Variants in GALNT10 observed in about 807,000 individuals in gnomAD.
GALNT10 encodes GalNAc transferase 10.
In GALNT10, 41 loss-of-function variants were observed where a neutral mutation model predicts 75.0. The ratio of observed to expected loss-of-function variants is 0.55; its 90% confidence interval spans 0.43 to 0.71. GALNT10 has a LOEUF of 0.71. GALNT10 is among the 30% of genes least tolerant of loss of function. The pLI is 0.00. For synonymous variants in GALNT10, 302 were observed against 313.0 expected (o/e 0.96, Z 0.37); for missense variants, 727 against 818.5 (o/e 0.89, Z 1.36).
At chr5:154,287,317 C>A (rs1248995579) in intron 1 of GALNT10, among the ~76,000 whole-genome samples, 5 of 152,172 alleles carry the variant, frequency 3.3e-5, no homozygotes, top group African/African-American at 1.2e-4. Context: ...CTGCTCACTC[C>A]AGCCAAATCA....
intron 1 of GALNT10, among the ~76,000 whole-genome samples, chr5:154,264,732 T>C (rs1753753251): frequency 6.6e-6 from 1 of 152,222 alleles, no homozygotes; most frequent in Admixed American, 6.5e-5. Flanking sequence ...GGCTTTTGGC[T>C]GTCCACAGTG....
Position 154,380,451 on chromosome 5 carries a change from G to A in GALNT10, c.758G>A (p.Arg253His), listed in dbSNP as rs762137832. The A allele has an allele frequency of 2.5e-6, 4 of 1,612,656 alleles. No homozygotes were observed. The highest frequency in any genetic ancestry group is 1.1e-5 in the South Asian group (1 of 90,934). Residue 253 changes from arginine (R) to histidine (H), a missense_variant, in exon 6 of 12, where the codon CGC becomes CAC. Physicochemically the swap from Arg to His is conservative, Grantham distance 29 (BLOSUM62 0). Coordinates refer to ENST00000297107, the MANE Select transcript of GALNT10 (RefSeq NM_198321.4). ...NVNWLPPLLDRIARNRKTIVC... is the reference protein window; with the variant it reads ...NVNWLPPLLDHIARNRKTIVC... ...AGGCATCTCTTGGCTTCTTCAGACC[G>A]CATTGCTCGGAACCGCAAGACCATT...
chr5:154,386,122 C>G (rs532276367), intron 6 of GALNT10, among the ~76,000 whole-genome samples, 191 bp from the exon 7 acceptor site: 2 of 152,274 alleles, frequency 1.3e-5, no homozygotes, highest in Non-Finnish European at 2.9e-5. Flanking sequence ...TAAAATGTAG[C>G]TCTTATGAAA....
Position 154,418,698 on chromosome 5 carries a change from T to A in GALNT10, c.*1726T>A, listed in dbSNP as rs188388607. 2.0e-5 allele frequency: 3 copies of A among 152,172 alleles called. No homozygotes were observed. The highest frequency in any genetic ancestry group is 6.5e-5 in the Admixed American group (1 of 15,282). The allele number at this position is 152,172 out of a possible 1,614,324, so 9.4% of individuals were successfully genotyped here. ...ACTCCCAATCATCCACCAGTCAGAC[T>A]GAATGTGTAGCTGGCGAGGAATTAC... On this transcript the variant is annotated 3_prime_UTR_variant, in exon 12 of 12. Coordinates refer to ENST00000297107, the MANE Select transcript of GALNT10 (RefSeq NM_198321.4).
rs1015637316 is a variant in GALNT10 at position 154,204,408 on chromosome 5, T to G, written c.159+13383T>G. On this transcript the variant is annotated intron_variant, in intron 1 of 11. Coordinates refer to ENST00000297107, the MANE Select transcript of GALNT10 (RefSeq NM_198321.4). ...CACCCTGAAATCATAGTCCATTCTT[T>G]ATGCACAGCCCAAGTACACATTTGC... 2.0e-5 allele frequency among the ~76,000 whole-genome samples: 3 copies of G among 152,340 alleles called. No homozygotes were observed. In the South Asian group the frequency reaches 6.2e-4, roughly 32 times the overall value.
In GALNT10 at chr5:154,210,830, G is replaced by A. The variant is rs562315721; in HGVS notation, c.159+19805G>A. On this transcript the variant is annotated intron_variant, in intron 1 of 11. Transcript: ENST00000297107. ...TAGATTAGATAATAGTATTTTATCAGTGTGAAGTTTCTTGATTTTGTTGTC... is the reference window on the plus strand; with the variant it reads ...TAGATTAGATAATAGTATTTTATCAATGTGAAGTTTCTTGATTTTGTTGTC... Among the ~76,000 whole-genome samples the A allele has an allele frequency of 4.6e-5, 7 of 152,354 alleles. No individual in the cohort carries two copies. In the South Asian group the frequency reaches 1.4e-3, roughly 32 times the overall value.
rs1005948664 is a variant in GALNT10, at chr5:154,376,399, G to C, written c.691G>C (p.Asp231His). 1.2e-6 allele frequency: 2 copies of C among 1,605,774 alleles called. No homozygotes were observed. The highest frequency in any genetic ancestry group is 1.7e-5 in the Admixed American group (1 of 57,750). ...GCTGGGGGCCTCAGTGGCAACTGGGGATGTCATCACATTCTTGGATTCACA... is the reference window on the plus strand; with the variant it reads ...GCTGGGGGCCTCAGTGGCAACTGGGCATGTCATCACATTCTTGGATTCACA... ...RMLGASVATG[D>H]VITFLDSHCE... Residue 231 changes from aspartate (D) to histidine (H), a missense_variant, in exon 5 of 12, where the codon GAT (aspartate) becomes CAT (histidine). Asp to His is a moderately conservative substitution (Grantham distance 81, BLOSUM62 -1). Coordinates refer to ENST00000297107, the MANE Select transcript of GALNT10 (RefSeq NM_198321.4). The surrounding 1 kb of genome is among the most constrained non-coding windows in gnomAD (Gnocchi z 4.1).
intron 1 of GALNT10, among the ~76,000 whole-genome samples, chr5:154,212,052 T>C (rs2113648963): frequency 6.6e-6 from 1 of 152,318 alleles, no homozygotes; most frequent in East Asian, 1.9e-4. Context: ...TAAATCACCA[T>C]AGTTCCTGAA....
intron 3 of GALNT10, among the ~76,000 whole-genome samples, chr5:154,319,192 A>G (rs914055175): frequency 1.3e-5 from 2 of 152,226 alleles, no homozygotes; most frequent in African/African-American, 4.8e-5. Context: ...CCTGGATGCC[A>G]TCTAGGGTGA....
At chr5:154,205,989 T>C (rs1775103710) in intron 1 of GALNT10, among the ~76,000 whole-genome samples, 1 of 152,230 alleles carries the variant, frequency 6.6e-6, no homozygotes, top group Non-Finnish European at 1.5e-5. Context: ...TGGGAACTAA[T>C]ACATGGACCA....
chr5:154,221,418 G>C (rs1337582544), intron 1 of GALNT10, among the ~76,000 whole-genome samples: 1 of 152,182 alleles, frequency 6.6e-6, no homozygotes, highest in Non-Finnish European at 1.5e-5. Context: ...GGGGGTTAGG[G>C]TGCCCCTGAG....
chr5:154,293,783 G>A (rs1034112835), intron 1 of GALNT10, among the ~76,000 whole-genome samples: 4 of 151,766 alleles, frequency 2.6e-5, no homozygotes, highest in Admixed American at 6.6e-5. Flanking sequence ...CAGCTTTGCC[G>A]TTCTTTACCC....
intron 5 of GALNT10, among the ~76,000 whole-genome samples, chr5:154,378,582 G>A (rs938963046): frequency 2.6e-5 from 4 of 152,296 alleles, no homozygotes; most frequent in Non-Finnish European, 5.9e-5. Context: ...TGCACTGAGT[G>A]CCGTGGCTCC....
At position 154,376,359 on chromosome 5, in the gene GALNT10, G is replaced by A; in HGVS notation, c.651G>A (p.Leu217=). 1 of 1,611,548 alleles carries A rather than the reference G, an allele frequency of 6.2e-7. No homozygotes were observed. Among genetic ancestry groups the A allele is most frequent in the Non-Finnish European group, 8.5e-7 (1 of 1,178,766 alleles). Residue 217 remains leucine (L), a synonymous_variant, in exon 5 of 12, where the codon CTG becomes CTA. Coordinates refer to ENST00000297107, the MANE Select transcript of GALNT10 (RefSeq NM_198321.4). This position sits in a 1 kb window ranked among gnomAD's most constrained non-coding sequence, Gnocchi z 4.1. The part of the protein sequence containing the change: ...RILRTKKREG[L]IRTRMLGASV... ...TTCGAACCAAGAAACGGGAAGGGCT[G>A]ATAAGGACCCGAATGCTGGGGGCCT...
Position 154,308,048 on chromosome 5 carries a change from C to CT in GALNT10, c.401+9979dup, listed in dbSNP as rs35746054. 1.5e-4 allele frequency among the ~76,000 whole-genome samples: 21 copies of CT among 143,868 alleles called. No individual in the cohort carries two copies. In the East Asian group the frequency reaches 3.0e-3, roughly 20 times the overall value. The allele number at this position is 143,868 out of a possible 152,430, so 94.4% of individuals were successfully genotyped here. A position where few individuals can be genotyped will look rare whatever the true frequency, so the allele number is the denominator to read the frequency against. On this transcript the variant is annotated intron_variant, in intron 3 of 11. Transcript: ENST00000297107. ...AAAGATCTCTATTTCTATCTGGTAT[C>CT]TTTTTTTTTTATTATTTCTGTCTGG... is the stretch of plus-strand genomic sequence containing the variant.
At chr5:154,286,212 C>T (rs535602916) in intron 1 of GALNT10, among the ~76,000 whole-genome samples, 5 of 152,292 alleles carry the variant, frequency 3.3e-5, no homozygotes, top group Admixed American at 6.5e-5. Flanking sequence ...AGTAGGACCC[C>T]GTCCGTCTTC....
intron 3 of GALNT10, among the ~76,000 whole-genome samples, chr5:154,315,065 T>C (rs1320734391): frequency 6.6e-6 from 1 of 152,104 alleles, no homozygotes; most frequent in Non-Finnish European, 1.5e-5. Context: ...GGTTTCCATA[T>C]TAGTGGTACT....
At chr5:154,259,861 C>T (rs1051994652) in intron 1 of GALNT10, among the ~76,000 whole-genome samples, 2 of 152,190 alleles carry the variant, frequency 1.3e-5, no homozygotes, top group Non-Finnish European at 2.9e-5. Flanking sequence ...ATAACTGATA[C>T]CAATCAGCAA....
chr5:154,305,897 A>AATCCC (rs1243008628), intron 3 of GALNT10, among the ~76,000 whole-genome samples: 2 of 152,128 alleles, frequency 1.3e-5, no homozygotes, highest in African/African-American at 4.8e-5. Context: ...ACGTGCCTGT[A>AATCCC]ATCCCAACTA....
Sources: allele counts gnomAD v4.1 joint callset (sites outside exome capture counted in the v4.1 genomes callset), GRCh38; gene constraint gnomAD v4.1.1; non-coding constraint Gnocchi (gnomAD v3.1); transcripts MANE v1.5; gene names NCBI Gene and HGNC (gene_info 2026-07-23, HGNC 2026-07-21).